ANO4: variants seen among roughly 807,000 people sequenced by gnomAD.
ANO4 encodes anoctamin-4.
ANO4 carries 69 observed loss-of-function variants against 141.9 expected under a neutral mutation model. The observed-to-expected ratio is 0.49, with a 90% CI of 0.40 to 0.59. The LOEUF is 0.59. ANO4 is among the 20% of genes least tolerant of loss of function. The pLI, the probability that ANO4 is intolerant of heterozygous loss-of-function variation, is 0.00. For synonymous variants in ANO4, 350 were observed against 394.3 expected, an observed-to-expected ratio of 0.89 and a Z score of 1.33; for missense variants, 894 against 1,162.2, an observed-to-expected ratio of 0.77 and a Z score of 3.36.
chr12:101,107,114 G>T (rs2050480284), intron 22 of ANO4, among the ~76,000 whole-genome samples: 1 of 152,136 alleles, frequency 6.6e-6, no homozygotes, highest in Non-Finnish European at 1.5e-5. Flanking sequence ...TAACCTGAAA[G>T]AACTAAACTC....
intron 12 of ANO4, 65 bp downstream of exon 12, chr12:101,042,533 G>A (rs754889114): frequency 1.3e-6 from 2 of 1,588,320 alleles, no homozygotes; most frequent in South Asian, 1.1e-5. Context: ...TTGCACTTTG[G>A]GGGTATTCAC....
chr12:100,884,197 A>T (rs1354608110), intron 1 of ANO4, among the ~76,000 whole-genome samples: 3 of 152,260 alleles, frequency 2.0e-5, no homozygotes, highest in Admixed American at 1.3e-4. Flanking sequence ...ATGGCTAAAG[A>T]TCTAATTGCA....
intron 24 of ANO4, among the ~76,000 whole-genome samples, chr12:101,114,085 G>A (rs1042363712): frequency 6.6e-6 from 1 of 152,040 alleles, no homozygotes; most frequent in Non-Finnish European, 1.5e-5. Flanking sequence ...GCTGGTGGTG[G>A]GTCACAGTGA....
At chr12:100,956,017 G>A (rs10745901) in intron 5 of ANO4, among the ~76,000 whole-genome samples, 39,918 of 152,026 alleles carry the variant, frequency 0.26, 5,664 homozygotes, top group African/African-American at 0.37. Context: ...ATATATGCTC[G>A]CTTAGCAATT....
At chr12:100,828,347 G>A (rs1297621038) in intron 1 of ANO4, among the ~76,000 whole-genome samples, 3 of 152,018 alleles carry the variant, frequency 2.0e-5, no homozygotes, top group African/African-American at 7.2e-5. Context: ...TATTTTCCAA[G>A]TGGCAGTGAC....
At chr12:101,025,382 G>A (rs114713374) in intron 9 of ANO4, among the ~76,000 whole-genome samples, 2,504 of 152,296 alleles carry the variant, frequency 0.016, 56 homozygotes, top group African/African-American at 0.058. Flanking sequence ...AGAAGTTGTT[G>A]CTAGGAGTTG....
intron 3 of ANO4, among the ~76,000 whole-genome samples, chr12:100,752,557 A>G (rs1033462858): frequency 8.5e-5 from 13 of 152,196 alleles, no homozygotes; most frequent in African/African-American, 2.9e-4. Flanking sequence ...TAGATAATAT[A>G]ATACCTGAAA....
At chr12:100,983,883 A>ATC (rs1360424759) in intron 7 of ANO4, among the ~76,000 whole-genome samples, 1 of 152,134 alleles carries the variant, frequency 6.6e-6, no homozygotes, top group Non-Finnish European at 1.5e-5. Context: ...TGGTGTGTAC[A>ATC]TCTTTGTGGG....
chr12:100,818,391 A>T (rs1305483714), intron 1 of ANO4, among the ~76,000 whole-genome samples: 2 of 151,860 alleles, frequency 1.3e-5, no homozygotes, highest in African/African-American at 4.8e-5. Flanking sequence ...GAGGTCAAGT[A>T]ACAGAGCCCC....
At chr12:100,883,313 A>G (rs1264952268) in intron 1 of ANO4, among the ~76,000 whole-genome samples, 5 of 152,222 alleles carry the variant, frequency 3.3e-5, no homozygotes. Flanking sequence ...CAGATAGTAA[A>G]TATTTTCAGC....
At chr12:100,730,197 ATGTTT>A (rs2031324727) in intron 1 of ANO4, among the ~76,000 whole-genome samples, 1 of 152,162 alleles carries the variant, frequency 6.6e-6, no homozygotes, top group East Asian at 1.9e-4. Flanking sequence ...TTAGTTTGAT[ATGTTT>A]TAAGTCTGAA....
At chr12:100,833,000 T>C (rs1176325963) in intron 1 of ANO4, among the ~76,000 whole-genome samples, 2 of 152,156 alleles carry the variant, frequency 1.3e-5, no homozygotes, top group Non-Finnish European at 1.5e-5. Context: ...ACAGATTGCC[T>C]GAGACTGACA....
intron 3 of ANO4, among the ~76,000 whole-genome samples, chr12:100,936,073 G>C (rs56946387): frequency 6.6e-6 from 1 of 152,114 alleles, no homozygotes; most frequent in African/African-American, 2.4e-5. Context: ...TGATAAGGTT[G>C]GCTTAGTATC....
Position 101,124,152 on chromosome 12 carries a change from T to C in ANO4, c.2677-2727T>C, listed in dbSNP as rs142102144. Among the ~76,000 whole-genome samples, 28 of 152,330 alleles carry C rather than the reference T, an allele frequency of 1.8e-4. No homozygotes were observed. In the East Asian group the frequency reaches 5.2e-3, roughly 28 times the overall value. ...CTGTTGTTTCTGGACTTTTAAATAA[T>C]CAACATTCTGACTGGTGTAAGATGG... On this transcript the variant is annotated intron_variant, in intron 26 of 27. Transcript: ENST00000392977.
chr12:101,018,386 C>T (rs886223498), intron 8 of ANO4, among the ~76,000 whole-genome samples: 9 of 152,284 alleles, frequency 5.9e-5, no homozygotes, highest in Admixed American at 4.6e-4. Flanking sequence ...TCTCCAAGAG[C>T]GGTATTCAGT....
intron 17 of ANO4, among the ~76,000 whole-genome samples, chr12:101,089,148 G>A (rs577725410): frequency 1.2e-3 from 187 of 152,120 alleles, no homozygotes; most frequent in African/African-American, 4.4e-3. Context: ...ATCATTTCTA[G>A]TTCTTTAAAC....
At chr12:101,018,383 G>C (rs1467773377) in intron 8 of ANO4, among the ~76,000 whole-genome samples, 1 of 152,154 alleles carries the variant, frequency 6.6e-6, no homozygotes, top group Non-Finnish European at 1.5e-5. Context: ...CTTTCTCCAA[G>C]AGCGGTATTC....
intron 14 of ANO4, among the ~76,000 whole-genome samples, chr12:101,066,013 T>C (rs903076381): frequency 6.6e-6 from 1 of 152,172 alleles, no homozygotes; most frequent in African/African-American, 2.4e-5. Context: ...ATGAAAACCA[T>C]ATGATCATTT....
At chr12:101,064,284 G>A (rs1057424572) in intron 14 of ANO4, among the ~76,000 whole-genome samples, 3 of 152,100 alleles carry the variant, frequency 2.0e-5, no homozygotes, top group South Asian at 2.1e-4. Context: ...ATGTAGAAGC[G>A]TATTGTTTAA....
Sources: allele counts gnomAD v4.1 joint callset (sites outside exome capture counted in the v4.1 genomes callset), GRCh38; gene constraint gnomAD v4.1.1; transcripts MANE v1.5; gene names NCBI Gene and HGNC (gene_info 2026-07-23, HGNC 2026-07-21).